MYO15A: variants seen among roughly 807,000 people sequenced by gnomAD.
MYO15A encodes myosin XVA, also known as unconventional myosin-XV.
Under a neutral mutation model 394.6 loss-of-function variants are expected in MYO15A, and 308 were observed. That is an observed-to-expected ratio of 0.78 (90% confidence interval 0.71 to 0.86). MYO15A has a LOEUF of 0.86. MYO15A is among the 40% of genes least tolerant of loss of function. The pLI, the probability that MYO15A is intolerant of heterozygous loss-of-function variation, is 0.00. For synonymous variants in MYO15A, 1,957 were observed against 2,003.8 expected (o/e 0.98, Z 0.62); for missense variants, 4,606 against 4,799.1 (o/e 0.96, Z 1.19).
chr17:18,135,903 G>A, intron 13 of MYO15A, 79 bp downstream of exon 13: 2 of 1,333,130 alleles, frequency 1.5e-6, no homozygotes, highest in Middle Eastern at 1.9e-4. Flanking sequence ...GATCCTTTGT[G>A]GGCAGCCTCT....
rs759776933 is a variant in MYO15A at position 18,155,330 on chromosome 17, G to A, written c.8357G>A (p.Gly2786Asp). The change falls in exon 47 of 66, where the codon GGT (glycine) becomes GAT (aspartate). Residue 2786 changes from glycine to aspartate, a missense_variant. By Grantham distance (94) the Gly-to-Asp change is moderately conservative (BLOSUM62 -1). This residue lies in a region of MYO15A where 2,776 missense variants were observed against 3,109.3 expected (regional missense o/e 0.89). Transcript: ENST00000647165. The part of the protein sequence containing the change: ...IFPATGSVGT[G>D]VQLLAVSHVG... Reference sequence around the variant, plus strand: ...CTGCCCCAGGGCAGCGTGGGCACTGGTGTGCAGCTCCTAGCTGTGTCCCAC... The same window carrying A: ...CTGCCCCAGGGCAGCGTGGGCACTGATGTGCAGCTCCTAGCTGTGTCCCAC... 1 of 1,613,810 alleles carries A rather than the reference G, an allele frequency of 6.2e-7. No homozygotes were observed. Among genetic ancestry groups the A allele is most frequent in the Non-Finnish European group, 8.5e-7 (1 of 1,180,024 alleles).
intron 29 of MYO15A, among the ~76,000 whole-genome samples, chr17:18,145,138 TG>T (rs767282741): frequency 1.6e-4 from 25 of 152,256 alleles, no homozygotes; most frequent in Admixed American, 3.3e-4. Flanking sequence ...AGTGAGGCCT[TG>T]ATTACAGTAC....
Position 18,156,274 on chromosome 17 carries a change from T to G in MYO15A, c.8539T>G (p.Phe2847Val). 2 of 1,614,162 alleles carry G rather than the reference T, an allele frequency of 1.2e-6. No homozygotes were observed. The highest frequency in any genetic ancestry group is 1.7e-6 in the Non-Finnish European group (2 of 1,180,014). Residue 2847 changes from phenylalanine (F) to valine (V), a missense_variant, in exon 48 of 66, where the codon TTC (phenylalanine) becomes GTC (valine). Coordinates refer to ENST00000647165, the MANE Select transcript of MYO15A (RefSeq NM_016239.4). ...CCTGGCCAGTGAGAAGGTCATCCTC[T>G]TCTCAGCCCGAGCGCACCAGGTCAA... is the stretch of plus-strand genomic sequence containing the variant. ...FNLASEKVIL[F>V]SARAHQVKTL...
intron 60 of MYO15A, 135 bp downstream of exon 60, chr17:18,163,973 G>C: frequency 1.2e-6 from 1 of 851,214 alleles, no homozygotes; most frequent in Non-Finnish European, 1.9e-6. Context: ...CCCCCATGTG[G>C]AAGGATCTCT....
chr17:18,120,826 C>G lies in MYO15A; in HGVS notation c.2026C>G (p.Pro676Ala). 1 of 1,175,852 alleles carries G rather than the reference C, an allele frequency of 8.5e-7. No individual in the cohort carries two copies. The highest frequency in any genetic ancestry group is 1.1e-6 in the Non-Finnish European group (1 of 952,096). 72.8% of individuals were successfully genotyped at this position (1,175,852 alleles called of 1,614,324 possible). Residue 676 changes from proline (P) to alanine (A), a missense_variant, in exon 2 of 66, where the codon CCC becomes GCC. Pro to Ala is a conservative substitution (Grantham distance 27, BLOSUM62 -1). This residue lies in a region of MYO15A where 1,830 missense variants were observed against 1,689.7 expected (regional missense o/e 1.08). Transcript: ENST00000647165. ...GCGGCCCCCAAGCTCCGGGCCCCCGCCCGCGCCGCCGCTCTCCCCGGCGCT... is the reference window on the plus strand; with the variant it reads ...GCGGCCCCCAAGCTCCGGGCCCCCGGCCGCGCCGCCGCTCTCCCCGGCGCT... Reference protein sequence around the residue: ...PPRPPSSGPPPAPPLSPALSG... With the variant: ...PPRPPSSGPPAAPPLSPALSG...
chr17:18,147,995 C>T lies in MYO15A; in HGVS notation c.6510-34C>T. ...CTCAGCCCCAAGCTAGCTTCAGATC[C>T]TTCTTGATCCTGGCTCCAACTCCTA... On this transcript the variant is annotated intron_variant, in intron 30 of 65. Coordinates refer to ENST00000647165, the MANE Select transcript of MYO15A (RefSeq NM_016239.4). The surrounding 1 kb of genome is among the most constrained non-coding windows in gnomAD (Gnocchi z 4.4). 2 of 1,613,698 alleles carry T rather than the reference C, an allele frequency of 1.2e-6. No homozygotes were observed. The highest frequency in any genetic ancestry group is 1.7e-6 in the Non-Finnish European group (2 of 1,179,844).
Position 18,154,002 on chromosome 17 carries a change from GA to G in MYO15A, c.8088+111del. Reference sequence around the variant, plus strand: ...CTTGGGGAGGGAGCCCAGGAGGACAGAAAAAGGCCGGGCTGAAACCAGGGGT... The same window carrying G: ...CTTGGGGAGGGAGCCCAGGAGGACAGAAAAGGCCGGGCTGAAACCAGGGGT... On this transcript the variant is annotated intron_variant, in intron 43 of 65. Transcript: ENST00000647165. 5 of 1,605,550 alleles carry G rather than the reference GA, an allele frequency of 3.1e-6. No homozygotes were observed. The East Asian group carries it at 8.9e-5, about 29-fold the overall frequency.
chr17:18,174,542 C>T (rs974212117), intron 65 of MYO15A, among the ~76,000 whole-genome samples: 4 of 152,098 alleles, frequency 2.6e-5, no homozygotes, highest in South Asian at 2.1e-4. Flanking sequence ...TGTTGGAGTT[C>T]GAGGCTGCAG....
rs369442352 is a variant in MYO15A, at chr17:18,118,965, C to G, written c.165C>G (p.Ser55Arg). ...PKISKKGQFR[S>R]ASAFFWGLHT... ...TCTCCAAGAAGGGCCAGTTCCGCAG[C>G]GCCTCGGCCTTCTTCTGGGGCCTCC... Residue 55 changes from serine to arginine, a missense_variant, in exon 2 of 66, where the codon AGC (serine) becomes AGG (arginine). By Grantham distance (110) the Ser-to-Arg change is moderately radical. Around this residue, in one of 2 missense-constraint regions of MYO15A, gnomAD observed 1,830 missense variants for 1,689.7 expected, o/e 1.08. Coordinates refer to ENST00000647165, the MANE Select transcript of MYO15A (RefSeq NM_016239.4). The G allele has an allele frequency of 3.7e-6, 6 of 1,613,196 alleles. No homozygotes were observed. The Admixed American group carries it at 6.7e-5, about 18-fold the overall frequency.
intron 27 of MYO15A, 35 bp from the exon 28 acceptor site, chr17:18,143,835 C>G: frequency 6.4e-7 from 1 of 1,569,878 alleles, no homozygotes; most frequent in Non-Finnish European, 8.6e-7. Flanking sequence ...CCAGGCAGAT[C>G]AGAGCAGGCA....
At position 18,120,635 on chromosome 17, in the gene MYO15A, AC is replaced by A; in HGVS notation, c.1836del (p.Tyr612Ter). ...GAGGCGGCCTACAAACGCTTCGGCT[AC>A]AAGCTGGCTGGCATGGACCCCGAGA... Reference protein sequence around the residue: ...VREAAYKRFGYKLAGMDPEKP... With the variant: ...VREAAYKRFGXKLAGMDPEKP... On this transcript the variant is annotated frameshift_variant, in exon 2 of 66. Coordinates refer to ENST00000647165, the MANE Select transcript of MYO15A (RefSeq NM_016239.4). LOFTEE classifies it high-confidence loss of function. 6.3e-7 allele frequency: 1 copy of A among 1,596,348 alleles called. No individual in the cohort carries two copies.
rs367717396 is a variant in MYO15A at position 18,155,166 on chromosome 17, G to A, written c.8281G>A (p.Val2761Met). 57 of 1,613,978 alleles carry A rather than the reference G, an allele frequency of 3.5e-5. No homozygotes were observed. The highest frequency in any genetic ancestry group is 1.3e-4 in the Admixed American group (8 of 60,030). ...GGTAACGGAAAGCGTGAAGCGGGCC[G>A]TGGTCAGCACTGCACGAGACACCTG... ...PLVTESVKRA[V>M]VSTARDTWEV... is the part of the protein sequence containing the mutation. The change falls in exon 46 of 66, where the codon GTG becomes ATG. Residue 2761 changes from valine to methionine, a missense_variant. Around this residue, in one of 2 missense-constraint regions of MYO15A, gnomAD observed 2,776 missense variants for 3,109.3 expected, o/e 0.89. Transcript: ENST00000647165.
At position 18,153,921 on chromosome 17, in the gene MYO15A, G is replaced by A; in HGVS notation, c.8088+25G>A. 1 of 1,613,274 alleles carries A rather than the reference G, an allele frequency of 6.2e-7. No individual in the cohort carries two copies. Among genetic ancestry groups the A allele is most frequent in the Non-Finnish European group, 8.5e-7 (1 of 1,179,856 alleles). ...GGTGCCGAGCACAGCCGTAGCCAGGGGAGGGGCTGAAGCGGGGCAGGGGAG... is the reference window on the plus strand; with the variant it reads ...GGTGCCGAGCACAGCCGTAGCCAGGAGAGGGGCTGAAGCGGGGCAGGGGAG... On this transcript the variant is annotated intron_variant, in intron 43 of 65. Coordinates refer to ENST00000647165, the MANE Select transcript of MYO15A (RefSeq NM_016239.4). This position sits in a 1 kb window ranked among gnomAD's most constrained non-coding sequence, Gnocchi z 4.1.
chr17:18,156,464 G>A, intron 48 of MYO15A, 128 bp downstream of exon 48: 1 of 1,105,922 alleles, frequency 9.0e-7, no homozygotes. Flanking sequence ...CACTGGCTGT[G>A]CCTTCCACTT....
rs1229020971 is a variant in MYO15A, at chr17:18,137,649, T to C, written c.4845T>C (p.Leu1615=). ...ACGCAAACGAGAACCTTCAGTACCTTTTCAACAAGATCGTCTTCCAGGAGG... is the reference window on the plus strand; with the variant it reads ...ACGCAAACGAGAACCTTCAGTACCTCTTCAACAAGATCGTCTTCCAGGAGG... ...INYANENLQY[L]FNKIVFQEEQ... The change falls in exon 16 of 66, where the codon CTT becomes CTC. Residue 1615 remains leucine, a synonymous_variant. Coordinates refer to ENST00000647165, the MANE Select transcript of MYO15A (RefSeq NM_016239.4). The C allele has an allele frequency of 6.2e-7, 1 of 1,614,192 alleles. No homozygotes were observed. Among genetic ancestry groups the C allele is most frequent in the African/African-American group, 1.3e-5 (1 of 75,046 alleles).
In MYO15A at chr17:18,158,647, C is replaced by T. The variant is rs761811901; in HGVS notation, c.9083+9C>T. ...CCTCAGAGGAGACCCCAGTGAGTGG[C>T]GGCCCCACCCCTCTTCCCACAGTGG... On this transcript the variant is annotated intron_variant, in intron 52 of 65. Transcript: ENST00000647165. The T allele has an allele frequency of 1.2e-5, 19 of 1,612,558 alleles. No homozygotes were observed. The highest frequency in any genetic ancestry group is 2.7e-5 in the African/African-American group (2 of 75,004).
At chr17:18,140,688 G>C (rs781003136) in intron 20 of MYO15A, 23 bp downstream of exon 20, 1 of 1,613,978 alleles carries the variant, frequency 6.2e-7, no homozygotes, top group Non-Finnish European at 8.5e-7. Flanking sequence ...GCAGGTGGGC[G>C]GAGCACCCAG....
chr17:18,172,192 T>C lies in MYO15A; in HGVS notation c.10252T>C (p.Phe3418Leu). The change falls in exon 64 of 66, where the codon TTC (phenylalanine) becomes CTC (leucine). Residue 3418 changes from phenylalanine (F) to leucine (L), a missense_variant. Transcript: ENST00000647165. The stretch of plus-strand genomic sequence containing the variant: ...CGCCTTACCTATGTTCGGCTCCTCC[T>C]TCTTCTTCATCCAGAGCTGCAGCAA... The part of the protein sequence containing the change: ...LSALPMFGSS[F>L]FFIQSCSNIA... 1.2e-6 allele frequency: 2 copies of C among 1,614,136 alleles called. No individual in the cohort carries two copies. Among genetic ancestry groups the C allele is most frequent in the South Asian group, 1.1e-5 (1 of 91,078 alleles).
chr17:18,174,912 CAA>C (rs1427838631), intron 65 of MYO15A, among the ~76,000 whole-genome samples: 2 of 152,118 alleles, frequency 1.3e-5, no homozygotes, highest in African/African-American at 4.8e-5. Context: ...CAGGACCAGA[CAA>C]AGTCTCCTTG....
Sources: gnomAD v4.1 joint callset for allele counts (sites outside exome capture counted in the v4.1 genomes callset) on GRCh38, gnomAD v4.1.1 for gene constraint, gnomAD v4.1.1 regional missense constraint, Gnocchi (gnomAD v3.1) non-coding constraint, MANE v1.5 for transcripts, NCBI Gene and HGNC (gene_info 2026-07-23, HGNC 2026-07-21) for gene names.